Variants in RALYL observed in about 807,000 individuals in gnomAD.
RALYL encodes the protein RALY RNA binding protein like, also known as RNA-binding Raly-like protein.
A neutral mutation model predicts 35.1 loss-of-function variants in RALYL; 29 were observed. That is an observed-to-expected ratio of 0.83 (90% CI 0.61 to 1.13). RALYL has a LOEUF of 1.13. RALYL is among the 50% of genes most tolerant of loss of function. The probability of loss-of-function intolerance (pLI) is 0.00; values close to 1 mark genes in which losing one functional copy is unlikely to be tolerated. For synonymous variants in RALYL, 120 were observed against 127.6 expected, an observed-to-expected ratio of 0.94 and a Z score of 0.40; for missense variants, 359 against 360.4, an observed-to-expected ratio of 1.00 and a Z score of 0.03.
intron 1 of RALYL, among the ~76,000 whole-genome samples, chr8:84,417,168 T>C (rs947909769): frequency 6.6e-6 from 1 of 151,424 alleles, no homozygotes; most frequent in Non-Finnish European, 1.5e-5. Flanking sequence ...TGAGAGGGCA[T>C]GAGAGCAGCT....
intron 2 of RALYL, among the ~76,000 whole-genome samples, chr8:84,605,692 T>G (rs1816961571): frequency 1.3e-5 from 2 of 152,158 alleles, no homozygotes; most frequent in African/African-American, 4.8e-5. Context: ...GCCATGGGCA[T>G]GCCCTGTAAA....
intron 1 of RALYL, among the ~76,000 whole-genome samples, chr8:84,494,072 A>G (rs1002336012): frequency 6.6e-6 from 1 of 152,028 alleles, no homozygotes; most frequent in Non-Finnish European, 1.5e-5. Context: ...TCTTGAGTTA[A>G]TTTTTGTATA....
chr8:84,578,882 G>A (rs868376989), intron 2 of RALYL, among the ~76,000 whole-genome samples: 3 of 152,286 alleles, frequency 2.0e-5, no homozygotes, highest in South Asian at 4.1e-4. Flanking sequence ...GTCCATAGGC[G>A]GCCATGGGCA....
chr8:84,245,355 T>C (rs1018304534), intron 1 of RALYL, among the ~76,000 whole-genome samples: 2 of 152,174 alleles, frequency 1.3e-5, no homozygotes, highest in Admixed American at 1.3e-4. Context: ...CTTTAAACAA[T>C]AATTGGCAGC....
At chr8:84,746,741 T>A (rs1441791395) in intron 2 of RALYL, among the ~76,000 whole-genome samples, 1 of 151,946 alleles carries the variant, frequency 6.6e-6, no homozygotes, top group Non-Finnish European at 1.5e-5. Flanking sequence ...GGAAGAAATT[T>A]GTTGGAGTAG....
chr8:84,288,329 C>G (rs1838071805), intron 1 of RALYL, among the ~76,000 whole-genome samples: 1 of 152,170 alleles, frequency 6.6e-6, no homozygotes, highest in Non-Finnish European at 1.5e-5. Context: ...CACTGTGCTA[C>G]AGTATCTCTT....
In RALYL at chr8:84,848,839, C is replaced by CT. The variant is rs560811520; in HGVS notation, c.366-1131dup. Among the ~76,000 whole-genome samples, 650 of 149,914 alleles carry CT rather than the reference C, an allele frequency of 4.3e-3. 5 individuals are homozygous for CT. The highest frequency in any genetic ancestry group is 5.1e-3 in the Non-Finnish European group (342 of 67,316). Reference sequence around the variant, plus strand: ...AATAAAAAGAAAACGAGTAAGTAAACTTTTTTTTTTAAATTACTCCCCTGT... The same window carrying CT: ...AATAAAAAGAAAACGAGTAAGTAAACTTTTTTTTTTTAAATTACTCCCCTGT... On this transcript the variant is annotated intron_variant, in intron 4 of 8. Coordinates refer to ENST00000521268, the MANE Select transcript of RALYL (RefSeq NM_173848.7).
At chr8:84,549,147 G>C (rs1033673299) in intron 2 of RALYL, among the ~76,000 whole-genome samples, 1 of 152,090 alleles carries the variant, frequency 6.6e-6, no homozygotes, top group Non-Finnish European at 1.5e-5. Flanking sequence ...CCTTGCAGCG[G>C]GTAATAATTT....
intron 2 of RALYL, among the ~76,000 whole-genome samples, chr8:84,594,043 C>T (rs918170028): frequency 1.3e-5 from 2 of 152,010 alleles, no homozygotes; most frequent in East Asian, 1.9e-4. Context: ...CAGCTTCCAC[C>T]ATGTTTTCTG....
chr8:84,547,351 G>GTTATTTTTTTTCTTTCTTTTTAC (rs2060430153), intron 2 of RALYL, among the ~76,000 whole-genome samples: 2 of 151,160 alleles, frequency 1.3e-5, no homozygotes, highest in African/African-American at 4.9e-5. Flanking sequence ...AAGGACTGTT[G>GTTATTTTTTTTCTTTCTTTTTAC]TTATTTTTTT....
intron 2 of RALYL, among the ~76,000 whole-genome samples, chr8:84,680,322 G>GT (rs1835164084): frequency 6.6e-6 from 1 of 152,098 alleles, no homozygotes; most frequent in African/African-American, 2.4e-5. Flanking sequence ...GTGTGCATGT[G>GT]TCTTTATAGC....
At chr8:84,727,885 C>A (rs1409977882) in intron 2 of RALYL, among the ~76,000 whole-genome samples, 1 of 151,970 alleles carries the variant, frequency 6.6e-6, no homozygotes, top group Non-Finnish European at 1.5e-5. Context: ...GTTGGACATT[C>A]GGGTTGGTTC....
At chr8:84,484,630 C>G (rs1317753221) in intron 1 of RALYL, among the ~76,000 whole-genome samples, 1 of 152,082 alleles carries the variant, frequency 6.6e-6, no homozygotes, top group Non-Finnish European at 1.5e-5. Flanking sequence ...TCTTGCCAAT[C>G]TACAGTATTC....
chr8:84,196,810 T>C (rs1586089011), intron 1 of RALYL, among the ~76,000 whole-genome samples: 1 of 152,218 alleles, frequency 6.6e-6, no homozygotes, highest in Non-Finnish European at 1.5e-5. Context: ...TAGAAATCCA[T>C]TGAAGTTCAT....
chr8:84,365,277 G>A (rs1853987782), intron 1 of RALYL, among the ~76,000 whole-genome samples: 2 of 152,172 alleles, frequency 1.3e-5, no homozygotes, highest in African/African-American at 4.8e-5. Flanking sequence ...ACATATTGAA[G>A]ACACAAATAT....
chr8:84,867,130 G>A (rs191297585), intron 6 of RALYL, among the ~76,000 whole-genome samples: 3 of 152,162 alleles, frequency 2.0e-5, no homozygotes, highest in Non-Finnish European at 2.9e-5. Context: ...ACTGGTAGAT[G>A]ACCATCTTCT....
intron 6 of RALYL, chr8:84,864,690 T>C: frequency 2.1e-6 from 1 of 468,730 alleles, no homozygotes; most frequent in East Asian, 4.7e-5. Context: ...AGGCAAGCCA[T>C]AGGCTATAGG....
At chr8:84,483,100 A>G (rs1459106472) in intron 1 of RALYL, among the ~76,000 whole-genome samples, 7 of 152,138 alleles carry the variant, frequency 4.6e-5, no homozygotes, top group Non-Finnish European at 1.0e-4. Flanking sequence ...ATTAGAATAT[A>G]ATCAACATGA....
At chr8:84,273,169 TAC>T (rs1329652198) in intron 1 of RALYL, among the ~76,000 whole-genome samples, 1 of 152,238 alleles carries the variant, frequency 6.6e-6, no homozygotes, top group East Asian at 1.9e-4. Context: ...CTTATTGTCT[TAC>T]AGTTTCTATA....
Sources: allele counts gnomAD v4.1 joint callset (sites outside exome capture counted in the v4.1 genomes callset), GRCh38; gene constraint gnomAD v4.1.1; transcripts MANE v1.5; gene names NCBI Gene and HGNC (gene_info 2026-07-23, HGNC 2026-07-21).